SPATA6L: variants seen among roughly 807,000 people sequenced by gnomAD.
SPATA6L encodes the protein spermatogenesis associated 6 like, also known as spermatogenesis associated 6-like protein.
In SPATA6L, 68 loss-of-function variants were observed where a neutral mutation model predicts 49.2. The ratio of observed to expected loss-of-function variants is 1.38; its 90% CI spans 1.14 to 1.69. The LOEUF (loss-of-function observed/expected upper bound fraction) is 1.69. Ranked by LOEUF, SPATA6L falls within the 40% of genes most tolerant of loss-of-function variation. The probability of loss-of-function intolerance (pLI) is 0.00; values close to 1 mark genes in which losing one functional copy is unlikely to be tolerated. For missense variants in SPATA6L, 668 were observed against 464.3 expected (o/e 1.44, Z -4.03); for synonymous variants, 198 against 165.7 (o/e 1.19, Z -1.50).
In SPATA6L at chr9:4,631,904, T is replaced by A. The variant is rs564194810; in HGVS notation, c.352-2736A>T. On this transcript the variant is annotated intron_variant, in intron 4 of 11. Transcript: ENST00000682582. ...ATTTCTGAAACTCTTTACACCACCT[T>A]CCCTCTCCATTAAAGTGGGGAAAGA... 2.6e-5 allele frequency among the ~76,000 whole-genome samples: 4 copies of A among 152,134 alleles called. No homozygotes were observed. The South Asian group carries it at 6.2e-4, about 24-fold the overall frequency.
chr9:4,607,294 T>C (rs1489727793), intron 9 of SPATA6L, among the ~76,000 whole-genome samples: 5 of 151,896 alleles, frequency 3.3e-5, no homozygotes, highest in Admixed American at 6.6e-5. Flanking sequence ...ATACAGAGAA[T>C]GCCACAAAGA....
intron 3 of SPATA6L, among the ~76,000 whole-genome samples, chr9:4,644,812 C>T (rs1197888020): frequency 6.6e-6 from 1 of 152,092 alleles, no homozygotes; most frequent in East Asian, 1.9e-4. Context: ...AGGTCCTAAC[C>T]TCTCTCACCA....
intron 3 of SPATA6L, among the ~76,000 whole-genome samples, chr9:4,638,824 A>G (rs1833413884): frequency 6.7e-6 from 1 of 148,580 alleles, no homozygotes; most frequent in African/African-American, 2.5e-5. Context: ...TCGCCCTGTC[A>G]CCCAGGCTGG....
intron 13 of SPATA6L, among the ~76,000 whole-genome samples, chr9:4,589,604 T>C (rs568224489): frequency 6.6e-6 from 1 of 152,352 alleles, no homozygotes; most frequent in East Asian, 1.9e-4. Flanking sequence ...GTGTTCGCAG[T>C]CCTTTCCTAT....
intron 9 of SPATA6L, among the ~76,000 whole-genome samples, chr9:4,612,190 G>T (rs1053900680): frequency 1.1e-4 from 16 of 151,944 alleles, no homozygotes; most frequent in Admixed American, 9.2e-4. Context: ...GTCCAGGCTG[G>T]TCTCAAACTT....
chr9:4,643,261 C>T (rs1051572066), intron 3 of SPATA6L, among the ~76,000 whole-genome samples: 25 of 152,212 alleles, frequency 1.6e-4, no homozygotes, highest in African/African-American at 6.0e-4. Context: ...CCACCTTGGC[C>T]TCCCCAAGTG....
intron 11 of SPATA6L, among the ~76,000 whole-genome samples, chr9:4,601,070 T>C (rs1564099648): frequency 6.6e-6 from 1 of 152,206 alleles, no homozygotes; most frequent in African/African-American, 2.4e-5. Flanking sequence ...CTTACTATTA[T>C]AGTGAAGAGT....
rs557435528 is a variant in SPATA6L at position 4,618,850 on chromosome 9, A to G, written c.807+14T>C. 1 of 1,608,848 alleles carries G rather than the reference A, an allele frequency of 6.2e-7. No individual in the cohort carries two copies. Among genetic ancestry groups the G allele is most frequent in the Non-Finnish European group, 8.5e-7 (1 of 1,176,434 alleles). ...GGAAGTAAATCATTTTACAAATTCT[A>G]CTTCTAAAATTACCTTTACGTTAGC... On this transcript the variant is annotated intron_variant, in intron 8 of 11. Transcript: ENST00000682582.
At chr9:4,622,202 A>G (rs1322851420) in intron 7 of SPATA6L, among the ~76,000 whole-genome samples, 1 of 152,222 alleles carries the variant, frequency 6.6e-6, no homozygotes, top group Non-Finnish European at 1.5e-5. Context: ...GTCCCCTTCA[A>G]CGGCGAGGGG....
rs377693010 is a variant in SPATA6L, at chr9:4,625,300, T to C, written c.669+27A>G. On this transcript the variant is annotated intron_variant, in intron 6 of 11. Coordinates refer to ENST00000682582, the MANE Select transcript of SPATA6L (RefSeq NM_001353486.2). The stretch of plus-strand genomic sequence containing the variant: ...CATCCATATCCTCACTATTGCAAAA[T>C]GCTCTAAAAAATAATTTTAGGCTCA... 3 of 1,600,100 alleles carry C rather than the reference T, an allele frequency of 1.9e-6. No homozygotes were observed. In the African/African-American group the frequency reaches 4.0e-5, roughly 22 times the overall value.
At chr9:4,664,497 G>C (rs537379681) in intron 1 of SPATA6L, 3 of 167,122 alleles carry the variant, frequency 1.8e-5, no homozygotes, top group South Asian at 2.1e-4. Context: ...ATTTAAAGCT[G>C]TTCATCCATG....
At chr9:4,610,261 A>G (rs1225434301) in intron 9 of SPATA6L, among the ~76,000 whole-genome samples, 33 of 149,562 alleles carry the variant, frequency 2.2e-4, no homozygotes, top group African/African-American at 7.6e-4. Flanking sequence ...CCATCAAGCT[A>G]CCAATGACTT....
chr9:4,656,437 AAAGAAAGG>A (rs774730959), intron 2 of SPATA6L, among the ~76,000 whole-genome samples: 2 of 117,518 alleles, frequency 1.7e-5, no homozygotes, highest in Non-Finnish European at 3.5e-5. Context: ...AGACCCTGTG[AAAGAAAGG>A]AAGGAAGGAA....
At chr9:4,644,291 A>G (rs1834781958) in intron 3 of SPATA6L, among the ~76,000 whole-genome samples, 1 of 150,042 alleles carries the variant, frequency 6.7e-6, no homozygotes, top group Non-Finnish European at 1.5e-5. Context: ...GCTCAAGCCC[A>G]GGAGGTCATA....
At chr9:4,601,713 G>A (rs1032617741) in intron 11 of SPATA6L, among the ~76,000 whole-genome samples, 6 of 152,204 alleles carry the variant, frequency 3.9e-5, no homozygotes, top group Non-Finnish European at 7.4e-5. Flanking sequence ...GCCATTAGAA[G>A]AGAGTCCTCA....
intron 2 of SPATA6L, among the ~76,000 whole-genome samples, chr9:4,659,603 C>A: frequency 6.6e-6 from 1 of 152,132 alleles, no homozygotes; most frequent in Non-Finnish European, 1.5e-5. Context: ...GCCATACTGC[C>A]CAGGGTAATT....
chr9:4,603,441 C>CA (rs909787597), intron 11 of SPATA6L, among the ~76,000 whole-genome samples: 14 of 151,480 alleles, frequency 9.2e-5, no homozygotes, highest in Non-Finnish European at 1.3e-4. Context: ...AAAACAAAAA[C>CA]AAAAAAAACC....
At chr9:4,658,582 G>T (rs1247637736) in intron 2 of SPATA6L, among the ~76,000 whole-genome samples, 1 of 152,146 alleles carries the variant, frequency 6.6e-6, no homozygotes, top group Non-Finnish European at 1.5e-5. Context: ...AGCCATAGTG[G>T]CATCTGAAAT....
chr9:4,602,699 C>T (rs188494774), intron 11 of SPATA6L, among the ~76,000 whole-genome samples: 8 of 152,228 alleles, frequency 5.3e-5, no homozygotes, highest in Admixed American at 3.3e-4. Context: ...TCCAAAGGGC[C>T]CTCCTTCACA....
Sources: gnomAD v4.1 joint callset for allele counts (sites outside exome capture counted in the v4.1 genomes callset) on GRCh38, gnomAD v4.1.1 for gene constraint, MANE v1.5 for transcripts, NCBI Gene and HGNC (gene_info 2026-07-23, HGNC 2026-07-21) for gene names.